Variants in COBLL1 observed in about 807,000 individuals in gnomAD.
COBLL1 encodes cordon-bleu protein-like 1.
Under a neutral mutation model 94.8 loss-of-function variants are expected in COBLL1, and 50 were observed. That is an observed-to-expected ratio of 0.53 (90% CI 0.42 to 0.67). The LOEUF is 0.67. COBLL1 is among the 30% of genes least tolerant of loss of function. The probability of loss-of-function intolerance (pLI) is 0.00; values close to 1 mark genes in which losing one functional copy is unlikely to be tolerated. For synonymous variants in COBLL1, 448 were observed against 473.8 expected (o/e 0.95, Z 0.71); for missense variants, 1,362 against 1,348.7 (o/e 1.01, Z -0.15).
intron 2 of COBLL1, among the ~76,000 whole-genome samples, chr2:164,829,509 A>AAAAAAT (rs1324472529): frequency 6.6e-6 from 1 of 152,172 alleles, no homozygotes; most frequent in African/African-American, 2.4e-5. Flanking sequence ...AACTAAAGCA[A>AAAAAAT]AAAAATAAAA....
intron 2 of COBLL1, among the ~76,000 whole-genome samples, chr2:164,791,418 G>A (rs559386607): frequency 6.6e-6 from 1 of 152,238 alleles, no homozygotes; most frequent in African/African-American, 2.4e-5. Context: ...GGGAGTGAGG[G>A]AGGTCAGGAA....
intron 2 of COBLL1, among the ~76,000 whole-genome samples, chr2:164,794,543 A>G (rs142170598): frequency 2.6e-3 from 391 of 152,296 alleles, no homozygotes; most frequent in African/African-American, 8.9e-3. Context: ...GAAGAGTCAT[A>G]TAAGACTGTA....
At chr2:164,839,351 G>C (rs1320656395) in intron 2 of COBLL1, among the ~76,000 whole-genome samples, 1 of 151,840 alleles carries the variant, frequency 6.6e-6, no homozygotes, top group Non-Finnish European at 1.5e-5. Flanking sequence ...CCAACACTTT[G>C]GGAAGCCAAG....
intron 11 of COBLL1, chr2:164,696,123 A>G (rs1216587694): frequency 7.2e-6 from 2 of 276,996 alleles, no homozygotes; most frequent in Non-Finnish European, 6.7e-6. Context: ...AAATATTTAT[A>G]TTATATGTGT....
chr2:164,668,957 T>A (rs565879443), intron 1 of COBLL1, among the ~76,000 whole-genome samples: 2 of 152,350 alleles, frequency 1.3e-5, no homozygotes, highest in South Asian at 4.1e-4. Context: ...GTATGAACAT[T>A]TACAGTACAT....
chr2:164,766,970 C>A (rs1687962118), intron 2 of COBLL1, among the ~76,000 whole-genome samples: 1 of 152,138 alleles, frequency 6.6e-6, no homozygotes, highest in South Asian at 2.1e-4. Context: ...TTGAGCCATT[C>A]TTCCTTCAAT....
Position 164,818,783 on chromosome 2 carries a change from C to CATATATATATATAT in COBLL1, c.41+22372_41+22373insATATATATATATAT, listed in dbSNP as rs1559047147. Among the ~76,000 whole-genome samples, 616 of 117,540 alleles carry CATATATATATATAT rather than the reference C, an allele frequency of 5.2e-3. 6 individuals are homozygous for CATATATATATATAT. Among genetic ancestry groups the CATATATATATATAT allele is most frequent in the African/African-American group, 0.017 (600 of 34,498 alleles). The allele number at this position is 117,540 out of a possible 152,430, so 77.1% of individuals were successfully genotyped here. A position where few individuals can be genotyped will look rare whatever the true frequency, so the allele number is the denominator to read the frequency against. On this transcript the variant is annotated intron_variant, in intron 2 of 13. Transcript: ENST00000652658. Reference sequence around the variant, plus strand: ...ACTTATGTAAACATATATATATATACATATAATTTTTTTTCGAGATCTTGC... The same window carrying CATATATATATATAT: ...ACTTATGTAAACATATATATATATACATATATATATATATATATAATTTTTTTTCGAGATCTTGC...
chr2:164,762,760 G>A (rs1432519536), intron 2 of COBLL1, among the ~76,000 whole-genome samples: 5 of 148,770 alleles, frequency 3.4e-5, no homozygotes, highest in Non-Finnish European at 5.9e-5. Flanking sequence ...GCAGTGGTGC[G>A]ATCTCGACTC....
intron 8 of COBLL1, 54 bp from the exon 9 acceptor site, chr2:164,704,572 TC>T: frequency 7.3e-7 from 1 of 1,373,530 alleles, no homozygotes; most frequent in Middle Eastern, 1.8e-4. Context: ...ATAAAACAAT[TC>T]CTTAACAGTT....
At chr2:164,732,899 C>CA (rs1420681890) in intron 3 of COBLL1, among the ~76,000 whole-genome samples, 2 of 152,024 alleles carry the variant, frequency 1.3e-5, no homozygotes, top group Non-Finnish European at 2.9e-5. Flanking sequence ...ACTAAAAATA[C>CA]AAAAAATTAG....
chr2:164,784,449 T>C (rs996106950), intron 2 of COBLL1, among the ~76,000 whole-genome samples: 2 of 152,194 alleles, frequency 1.3e-5, no homozygotes, highest in Non-Finnish European at 2.9e-5. Context: ...TACACACTGC[T>C]AAAGCATACA....
At chr2:164,797,877 T>G (rs1304988340) in intron 2 of COBLL1, among the ~76,000 whole-genome samples, 1 of 152,190 alleles carries the variant, frequency 6.6e-6, no homozygotes, top group Non-Finnish European at 1.5e-5. Context: ...TTACTAAATA[T>G]CTTCCGTTTT....
chr2:164,810,271 G>C (rs927311145), intron 2 of COBLL1, among the ~76,000 whole-genome samples: 2 of 151,272 alleles, frequency 1.3e-5, no homozygotes, highest in Non-Finnish European at 3.0e-5. Flanking sequence ...AATTGGATTT[G>C]GGGCTGGAGA....
chr2:164,764,015 C>G (rs188898066), intron 2 of COBLL1, among the ~76,000 whole-genome samples: 42 of 152,298 alleles, frequency 2.8e-4, no homozygotes, highest in African/African-American at 1.0e-3. Flanking sequence ...CCTGCCTCAG[C>G]CTCCAGAGTA....
chr2:164,810,237 T>C (rs2105337864), intron 2 of COBLL1, among the ~76,000 whole-genome samples: 1 of 151,712 alleles, frequency 6.6e-6, no homozygotes, highest in Middle Eastern at 3.4e-3. Flanking sequence ...TATGAATTTT[T>C]TTTTCTAAAA....
intron 2 of COBLL1, among the ~76,000 whole-genome samples, chr2:164,780,240 A>G (rs1688671340): frequency 6.6e-6 from 1 of 152,158 alleles, no homozygotes; most frequent in Non-Finnish European, 1.5e-5. Context: ...TGTTGTAACC[A>G]AAGTTCTCAG....
intron 2 of COBLL1, among the ~76,000 whole-genome samples, chr2:164,749,520 T>C (rs1687024464): frequency 6.6e-6 from 1 of 152,200 alleles, no homozygotes; most frequent in Non-Finnish European, 1.5e-5. Flanking sequence ...AAAGTATGTA[T>C]TTCAATTATA....
At chr2:164,773,361 AAC>A (rs1688299742) in intron 2 of COBLL1, among the ~76,000 whole-genome samples, 1 of 152,110 alleles carries the variant, frequency 6.6e-6, no homozygotes, top group Non-Finnish European at 1.5e-5. Context: ...TTCCAGTAAG[AAC>A]ATAATGAACA....
chr2:164,769,430 A>T (rs1250164470), intron 2 of COBLL1, among the ~76,000 whole-genome samples: 1 of 152,206 alleles, frequency 6.6e-6, no homozygotes, highest in Non-Finnish European at 1.5e-5. Flanking sequence ...TTTTACCTTC[A>T]GACTGGTGGT....
Sources: gnomAD v4.1 joint callset for allele counts (sites outside exome capture counted in the v4.1 genomes callset) on GRCh38, gnomAD v4.1.1 for gene constraint, MANE v1.5 for transcripts, NCBI Gene and HGNC (gene_info 2026-07-23, HGNC 2026-07-21) for gene names.